The following PTPRG variants were observed in gnomAD, a reference collection of about 807,000 sequenced individuals.
PTPRG encodes the protein receptor-type tyrosine-protein phosphatase gamma.
A neutral mutation model predicts 165.3 loss-of-function variants in PTPRG; 102 were observed. The observed-to-expected ratio is 0.62, with a 90% CI of 0.53 to 0.73. The LOEUF (loss-of-function observed/expected upper bound fraction) is 0.73, where lower values mean the gene tolerates loss of function less well. PTPRG is among the 30% of genes least tolerant of loss of function. The pLI, the probability that PTPRG is intolerant of heterozygous loss-of-function variation, is 0.00. For synonymous variants in PTPRG, 675 were observed against 669.5 expected (o/e 1.01, Z -0.13); for missense variants, 1,866 against 1,861.4 (o/e 1.00, Z -0.05).
intron 1 of PTPRG, among the ~76,000 whole-genome samples, chr3:61,691,303 AG>A (rs1231907694): frequency 6.6e-6 from 1 of 152,164 alleles, no homozygotes; most frequent in Non-Finnish European, 1.5e-5. Context: ...TCTACTCTGG[AG>A]GCTGATACAA....
intron 1 of PTPRG, among the ~76,000 whole-genome samples, chr3:61,701,413 C>T (rs753660257): frequency 6.6e-6 from 1 of 152,008 alleles, no homozygotes; most frequent in Non-Finnish European, 1.5e-5. Flanking sequence ...TGAGGAGGCT[C>T]GGGTCACATT....
intron 6 of PTPRG, among the ~76,000 whole-genome samples, chr3:62,135,642 T>G (rs1477445469): frequency 2.0e-5 from 3 of 152,208 alleles, no homozygotes; most frequent in Non-Finnish European, 4.4e-5. Flanking sequence ...GGTCCTCTCT[T>G]AAGCAGACGC....
chr3:61,741,434 T>C (rs572426078), intron 1 of PTPRG, among the ~76,000 whole-genome samples: 5 of 152,170 alleles, frequency 3.3e-5, no homozygotes, highest in Non-Finnish European at 7.3e-5. Flanking sequence ...AACCAGAATT[T>C]CTTTGTTCTG....
chr3:61,648,688 A>T (rs987997159), intron 1 of PTPRG, among the ~76,000 whole-genome samples: 6 of 152,202 alleles, frequency 3.9e-5, no homozygotes, highest in African/African-American at 1.4e-4. Flanking sequence ...TCTGTAATAC[A>T]GTCAGAGAGA....
At chr3:61,845,430 A>G (rs2036779511) in intron 2 of PTPRG, among the ~76,000 whole-genome samples, 1 of 152,212 alleles carries the variant, frequency 6.6e-6, no homozygotes, top group South Asian at 2.1e-4. Flanking sequence ...GCCAAAGGCA[A>G]ATGTTTCCAC....
At chr3:61,881,981 C>T (rs544987243) in intron 2 of PTPRG, among the ~76,000 whole-genome samples, 1 of 152,332 alleles carries the variant, frequency 6.6e-6, no homozygotes, top group South Asian at 2.1e-4. Context: ...AGCAGAGCTA[C>T]TGCTTTTCCT....
At chr3:61,745,051 C>CT (rs10669472) in intron 1 of PTPRG, among the ~76,000 whole-genome samples, 2,348 of 111,500 alleles carry the variant, frequency 0.021, 171 homozygotes, top group African/African-American at 0.047. Flanking sequence ...CATTCCCTCA[C>CT]TTTTTTTTTT....
At chr3:61,848,467 A>T (rs905227154) in intron 2 of PTPRG, among the ~76,000 whole-genome samples, 1 of 152,194 alleles carries the variant, frequency 6.6e-6, no homozygotes, top group Non-Finnish European at 1.5e-5. Context: ...CTGAAGGAAC[A>T]TTTGCATTTT....
intron 5 of PTPRG, among the ~76,000 whole-genome samples, chr3:62,081,243 T>C (rs1701563043): frequency 7.2e-6 from 1 of 139,074 alleles, no homozygotes; most frequent in Non-Finnish European, 1.5e-5. Flanking sequence ...GGCGACAGAG[T>C]GAGACTCCGT....
At chr3:61,976,623 T>A (rs940971614) in intron 2 of PTPRG, among the ~76,000 whole-genome samples, 2 of 152,150 alleles carry the variant, frequency 1.3e-5, no homozygotes, top group Admixed American at 1.3e-4. Flanking sequence ...ATGAAGTATT[T>A]GTTTTAATAT....
chr3:62,256,428 TAGAA>T (rs1291009324), intron 16 of PTPRG, among the ~76,000 whole-genome samples: 2 of 152,156 alleles, frequency 1.3e-5, no homozygotes. Context: ...ACAAAGGTGG[TAGAA>T]AGAACCTCTG....
chr3:61,920,685 C>G (rs1421122072), intron 2 of PTPRG, among the ~76,000 whole-genome samples: 1 of 152,166 alleles, frequency 6.6e-6, no homozygotes, highest in Non-Finnish European at 1.5e-5. Flanking sequence ...TGAGCCACTG[C>G]GCCTGGCCAA....
At position 62,157,117 on chromosome 3, in the gene PTPRG, T is replaced by A. The variant is rs368477619; in HGVS notation, c.733T>A (p.Ser245Thr). 29 of 1,612,022 alleles carry A rather than the reference T, an allele frequency of 1.8e-5. No individual in the cohort carries two copies. In the African/African-American group the frequency reaches 3.6e-4, roughly 20 times the overall value. Residue 245 changes from serine (S) to threonine (T), a missense_variant, in exon 7 of 30, where the codon TCC (serine) becomes ACC (threonine). By Grantham distance (58) the Ser-to-Thr change is moderately conservative (BLOSUM62 1). This residue lies in a region of PTPRG where 408 missense variants were observed against 376.2 expected (regional missense o/e 1.08). Transcript: ENST00000474889. ...CGTCCTCCGGGACCTCCTGCCTGCATCCCTGGGCAGCTATTATCGGTACAC... is the reference window on the plus strand; with the variant it reads ...CGTCCTCCGGGACCTCCTGCCTGCAACCCTGGGCAGCTATTATCGGTACAC... ...PFVLRDLLPASLGSYYRYTGS... is the reference protein window; with the variant it reads ...PFVLRDLLPATLGSYYRYTGS...
At chr3:61,800,332 C>T (rs1488235090) in intron 2 of PTPRG, among the ~76,000 whole-genome samples, 1 of 151,934 alleles carries the variant, frequency 6.6e-6, no homozygotes, top group Admixed American at 6.6e-5. Flanking sequence ...AGACAGAAAA[C>T]ACAAAAAAAA....
At chr3:61,857,753 G>C (rs757567865) in intron 2 of PTPRG, among the ~76,000 whole-genome samples, 1 of 152,146 alleles carries the variant, frequency 6.6e-6, no homozygotes, top group Non-Finnish European at 1.5e-5. Flanking sequence ...TGTTGGGTGT[G>C]TGTTGTTGGC....
intron 5 of PTPRG, among the ~76,000 whole-genome samples, chr3:62,100,880 G>A (rs578036931): frequency 6.6e-6 from 1 of 152,136 alleles, no homozygotes; most frequent in South Asian, 2.1e-4. Context: ...GTCTTTTGCT[G>A]GTGAGAAGTA....
At chr3:62,009,845 G>C (rs1275548940) in intron 4 of PTPRG, among the ~76,000 whole-genome samples, 2 of 152,138 alleles carry the variant, frequency 1.3e-5, no homozygotes, top group Non-Finnish European at 1.5e-5. Context: ...TTAAAGCCTA[G>C]ACTACATGTC....
intron 4 of PTPRG, among the ~76,000 whole-genome samples, chr3:62,033,938 G>C (rs1378706659): frequency 6.6e-6 from 1 of 151,990 alleles, no homozygotes; most frequent in Non-Finnish European, 1.5e-5. Flanking sequence ...GCTAATTTTT[G>C]TATTTTTGGT....
intron 1 of PTPRG, among the ~76,000 whole-genome samples, chr3:61,602,999 A>G (rs1700910197): frequency 6.6e-6 from 1 of 152,164 alleles, no homozygotes; most frequent in Non-Finnish European, 1.5e-5. Context: ...GTATTACTGT[A>G]TAATGGTTTG....
Sources: gnomAD v4.1 joint callset for allele counts (sites outside exome capture counted in the v4.1 genomes callset) on GRCh38, gnomAD v4.1.1 for gene constraint, gnomAD v4.1.1 regional missense constraint, MANE v1.5 for transcripts, NCBI Gene and HGNC (gene_info 2026-07-23, HGNC 2026-07-21) for gene names.